The following EPHA7 variants were observed in gnomAD, a reference collection of about 807,000 sequenced individuals.
The protein encoded by EPHA7 is ephrin type-A receptor 7.
Under a neutral mutation model 112.6 loss-of-function variants are expected in EPHA7, and 25 were observed. That is an observed-to-expected ratio of 0.22 (90% confidence interval 0.16 to 0.31). EPHA7 has a LOEUF of 0.31. Ranked by LOEUF, EPHA7 falls within the 10% of genes least tolerant of loss-of-function variation. EPHA7 has a pLI of 1.00. For synonymous variants in EPHA7, 437 were observed against 406.5 expected (o/e 1.07, Z -0.90); for missense variants, 962 against 1,212.6 (o/e 0.79, Z 3.07).
At chr6:93,355,788 G>C (rs1366193776) in intron 5 of EPHA7, among the ~76,000 whole-genome samples, 1 of 152,156 alleles carries the variant, frequency 6.6e-6, no homozygotes, top group South Asian at 2.1e-4. Context: ...AAGAAAATAA[G>C]TGTAAACTAC....
chr6:93,348,821 C>A (rs530726522), intron 5 of EPHA7, among the ~76,000 whole-genome samples: 1 of 151,804 alleles, frequency 6.6e-6, no homozygotes, highest in Non-Finnish European at 1.5e-5. Flanking sequence ...CAAATATTTA[C>A]TAACCATCTA....
Position 93,414,765 on chromosome 6 carries a change from G to C in EPHA7, c.100C>G (p.Leu34Val). The change falls in exon 2 of 17, where the codon CTA becomes GTA. Residue 34 changes from leucine to valine, a missense_variant and splice_region_variant. Coordinates refer to ENST00000369303, the MANE Select transcript of EPHA7 (RefSeq NM_004440.4). ...TGTTGTGCTTTAGAATCCAGCAGTA[G>C]TACTGAAAAAGAAAGTTGTATTTCC... ...TGEAQAAKEV[L>V]LLDSKAQQTE... 1.2e-6 allele frequency: 2 copies of C among 1,611,974 alleles called. No homozygotes were observed. The highest frequency in any genetic ancestry group is 1.3e-5 in the African/African-American group (1 of 74,992).
intron 3 of EPHA7, among the ~76,000 whole-genome samples, chr6:93,407,395 G>A (rs1778771104): frequency 2.0e-5 from 3 of 151,998 alleles, no homozygotes; most frequent in Admixed American, 2.0e-4. Context: ...ATAAAGGCAA[G>A]CCTGGAGTGA....
intron 16 of EPHA7, 109 bp downstream of exon 16, chr6:93,245,189 C>G: frequency 9.5e-7 from 1 of 1,056,264 alleles, no homozygotes; most frequent in African/African-American, 1.6e-5. Context: ...TTTTTTTTAT[C>G]TTGATTTTGG....
At chr6:93,320,005 T>A (rs1275056119) in intron 5 of EPHA7, among the ~76,000 whole-genome samples, 2 of 152,048 alleles carry the variant, frequency 1.3e-5, no homozygotes, top group Non-Finnish European at 2.9e-5. Flanking sequence ...ATTTACTAGA[T>A]ATTTAGGGAT....
chr6:93,310,096 T>C (rs560363507), intron 5 of EPHA7, among the ~76,000 whole-genome samples: 9 of 152,182 alleles, frequency 5.9e-5, no homozygotes, highest in Admixed American at 2.0e-4. Context: ...TTTTGAACAG[T>C]CTTCAATAAA....
intron 2 of EPHA7, 104 bp downstream of exon 2, chr6:93,414,599 T>G: frequency 1.2e-6 from 1 of 838,442 alleles, no homozygotes; most frequent in Non-Finnish European, 1.9e-6. Context: ...TATTTGGAAT[T>G]AAACAGTTTA....
intron 1 of EPHA7, among the ~76,000 whole-genome samples, chr6:93,416,823 C>G (rs548622638): frequency 2.8e-3 from 420 of 152,122 alleles, no homozygotes; most frequent in African/African-American, 9.8e-3. Flanking sequence ...CGCGCCCTGA[C>G]AGACCCAGGC....
At chr6:93,350,626 G>C (rs1775642735) in intron 5 of EPHA7, among the ~76,000 whole-genome samples, 1 of 151,978 alleles carries the variant, frequency 6.6e-6, no homozygotes, top group Non-Finnish European at 1.5e-5. Context: ...AGACTCTAAA[G>C]AGACCTTTGA....
chr6:93,387,858 G>T (rs79042172), intron 3 of EPHA7, among the ~76,000 whole-genome samples: 8,243 of 151,768 alleles, frequency 0.054, 284 homozygotes, highest in East Asian at 0.13. Context: ...CCCCAATACC[G>T]GTGGATTACA....
chr6:93,310,669 A>T (rs1419429327), intron 5 of EPHA7, among the ~76,000 whole-genome samples: 1 of 152,166 alleles, frequency 6.6e-6, no homozygotes, highest in East Asian at 1.9e-4. Context: ...CTCAAAAAAA[A>T]AAAAAAAGTT....
At chr6:93,269,359 ATATT>A (rs1562056990) in intron 7 of EPHA7, 114 bp downstream of exon 7, 2 of 727,112 alleles carry the variant, frequency 2.8e-6, no homozygotes, top group South Asian at 5.6e-5. Context: ...ATGTACATAT[ATATT>A]TATTTGTAAA....
At chr6:93,380,621 A>C (rs1372613937) in intron 3 of EPHA7, among the ~76,000 whole-genome samples, 2 of 152,114 alleles carry the variant, frequency 1.3e-5, no homozygotes, top group African/African-American at 4.8e-5. Flanking sequence ...AATTCAAGGA[A>C]ATGCTGCAGC....
intron 3 of EPHA7, among the ~76,000 whole-genome samples, chr6:93,406,564 G>T (rs1331306319): frequency 6.6e-6 from 1 of 151,726 alleles, no homozygotes; most frequent in African/African-American, 2.4e-5. Context: ...ATCCAATTTT[G>T]TTACTTATTA....
intron 1 of EPHA7, among the ~76,000 whole-genome samples, chr6:93,418,603 C>A (rs1035893389): frequency 6.6e-6 from 1 of 152,210 alleles, no homozygotes; most frequent in Non-Finnish European, 1.5e-5. Context: ...ACATCCCCGG[C>A]CCTCGGGTCG....
chr6:93,346,185 C>T (rs552477191), intron 5 of EPHA7, among the ~76,000 whole-genome samples: 5 of 151,752 alleles, frequency 3.3e-5, no homozygotes, highest in South Asian at 2.1e-4. Context: ...TTACTACTGT[C>T]GTCATCATTA....
chr6:93,357,000 T>A lies in EPHA7; in HGVS notation c.1041A>T (p.Val347=). Residue 347 remains valine, a synonymous_variant, in exon 5 of 17, where the codon GTA becomes GTT. Transcript: ENST00000369303. ...NLIFNINQTT[V]SLEWSPPADN... is the part of the protein sequence containing the mutation. ...CTGCAGGAGGACTCCATTCCAAACT[T>A]ACTGTGGTTTGGTTGATGTTGAAAA... The A allele has an allele frequency of 3.1e-6, 5 of 1,613,988 alleles. No homozygotes were observed. Among genetic ancestry groups the A allele is most frequent in the Non-Finnish European group, 4.2e-6 (5 of 1,179,976 alleles).
At chr6:93,323,843 C>CAG (rs1286342050) in intron 5 of EPHA7, among the ~76,000 whole-genome samples, 3 of 151,408 alleles carry the variant, frequency 2.0e-5, no homozygotes, top group Non-Finnish European at 4.4e-5. Flanking sequence ...CTCAACTAAA[C>CAG]ATTTTCACAC....
intron 3 of EPHA7, among the ~76,000 whole-genome samples, chr6:93,403,437 T>C (rs1466563759): frequency 2.0e-5 from 3 of 150,434 alleles, no homozygotes; most frequent in East Asian, 2.0e-4. Flanking sequence ...TAAAATAAGA[T>C]AGCATGCAAT....
Sources: gnomAD v4.1 joint callset for allele counts (sites outside exome capture counted in the v4.1 genomes callset) on GRCh38, gnomAD v4.1.1 for gene constraint, MANE v1.5 for transcripts, NCBI Gene and HGNC (gene_info 2026-07-23, HGNC 2026-07-21) for gene names.